ULK4: variants seen among roughly 807,000 people sequenced by gnomAD.
ULK4 encodes the protein inactive serine/threonine-protein kinase ULK4.
Under a neutral mutation model 160.6 loss-of-function variants are expected in ULK4, and 133 were observed. That is an observed-to-expected ratio of 0.83 (90% CI 0.72 to 0.96). The LOEUF (loss-of-function observed/expected upper bound fraction) is 0.96, where lower values mean the gene tolerates loss of function less well. ULK4 is among the 40% of genes least tolerant of loss of function. The pLI, the probability that ULK4 is intolerant of heterozygous loss-of-function variation, is 0.00. For synonymous variants in ULK4, 534 were observed against 539.8 expected, an observed-to-expected ratio of 0.99 and a Z score of 0.15; for missense variants, 1,580 against 1,499.5, an observed-to-expected ratio of 1.05 and a Z score of -0.89.
chr3:41,581,562 T>TA (rs1329551432), intron 31 of ULK4, among the ~76,000 whole-genome samples: 3 of 152,100 alleles, frequency 2.0e-5, no homozygotes, highest in South Asian at 2.1e-4. Flanking sequence ...TGAAAAAAGT[T>TA]AAAAAAAATA....
chr3:41,726,023 A>C (rs958616610), intron 22 of ULK4, among the ~76,000 whole-genome samples: 3 of 152,236 alleles, frequency 2.0e-5, no homozygotes, highest in Admixed American at 1.3e-4. Context: ...AAGGAATCCA[A>C]ATGAAATCCT....
intron 30 of ULK4, among the ~76,000 whole-genome samples, chr3:41,633,067 T>C (rs955442515): frequency 6.6e-6 from 1 of 152,180 alleles, no homozygotes; most frequent in Non-Finnish European, 1.5e-5. Context: ...AAGAGCAAGT[T>C]TATTACATAA....
Position 41,487,702 on chromosome 3 carries a change from G to C in ULK4, c.3227-24449C>G, listed in dbSNP as rs183245695. Among the ~76,000 whole-genome samples the C allele has an allele frequency of 2.2e-4, 33 of 152,114 alleles. No individual in the cohort carries two copies. In the South Asian group the frequency reaches 2.7e-3, roughly 12 times the overall value. On this transcript the variant is annotated intron_variant, in intron 32 of 36. Coordinates refer to ENST00000301831, the MANE Select transcript of ULK4 (RefSeq NM_017886.4). ...AAAAACAAATCCCAGCCAGAATAAG[G>C]CTCTAAATATAAAAACAATCTCTCA...
chr3:41,487,560 T>C (rs926648487), intron 32 of ULK4, among the ~76,000 whole-genome samples: 5 of 152,172 alleles, frequency 3.3e-5, no homozygotes, highest in African/African-American at 1.2e-4. Flanking sequence ...GGTATATGGA[T>C]ATATGAATTC....
At chr3:41,318,997 G>A (rs1262985602) in intron 35 of ULK4, among the ~76,000 whole-genome samples, 1 of 152,146 alleles carries the variant, frequency 6.6e-6, no homozygotes, top group Admixed American at 6.5e-5. Flanking sequence ...GTGGATTTGG[G>A]AAAATAAAAG....
intron 8 of ULK4, chr3:41,914,633 T>A (rs1171637488): frequency 6.6e-6 from 1 of 152,226 alleles, no homozygotes; most frequent in East Asian, 1.9e-4. Context: ...GGATATTTAC[T>A]GTAACAACAC....
At chr3:41,820,187 A>G (rs1559578424) in intron 18 of ULK4, among the ~76,000 whole-genome samples, 1 of 152,200 alleles carries the variant, frequency 6.6e-6, no homozygotes, top group Non-Finnish European at 1.5e-5. Flanking sequence ...GAACATACTC[A>G]AGATTGTCCA....
chr3:41,546,673 T>G (rs1795333), intron 32 of ULK4, among the ~76,000 whole-genome samples: 77,120 of 150,578 alleles, frequency 0.51, 19,782 homozygotes, highest in Middle Eastern at 0.57. Context: ...CTGTTAATCC[T>G]CACTAGCTCA....
chr3:41,914,233 C>A (rs1473227795), intron 8 of ULK4, among the ~76,000 whole-genome samples: 1 of 152,136 alleles, frequency 6.6e-6, no homozygotes, highest in Non-Finnish European at 1.5e-5. Flanking sequence ...ACTAATCATT[C>A]AAAATTTCTG....
intron 35 of ULK4, among the ~76,000 whole-genome samples, chr3:41,256,777 A>G (rs1203588443): frequency 6.6e-6 from 1 of 152,252 alleles, no homozygotes; most frequent in Non-Finnish European, 1.5e-5. Flanking sequence ...GAGAATGAAA[A>G]GATATGCCAT....
In ULK4 at chr3:41,479,421, T is replaced by C. The variant is rs1343634418; in HGVS notation, c.3227-16168A>G. Among the ~76,000 whole-genome samples, 3 of 152,208 alleles carry C rather than the reference T, an allele frequency of 2.0e-5. No individual in the cohort carries two copies. In the East Asian group the frequency reaches 5.8e-4, roughly 29 times the overall value. ...TAAATATATTGGAATATGAACTGGA[T>C]CACAGGATAAAGCACCAGTTGGTGC... On this transcript the variant is annotated intron_variant, in intron 32 of 36. Coordinates refer to ENST00000301831, the MANE Select transcript of ULK4 (RefSeq NM_017886.4).
At position 41,659,672 on chromosome 3, in the gene ULK4, TA is replaced by T. The variant is rs34768898; in HGVS notation, c.3071+3934del. Among the ~76,000 whole-genome samples, 231 of 145,046 alleles carry T rather than the reference TA, an allele frequency of 1.6e-3. 1 individual carries two copies. The highest frequency in any genetic ancestry group is 3.5e-3 in the Middle Eastern group (1 of 284). On this transcript the variant is annotated intron_variant, in intron 30 of 36. Transcript: ENST00000301831. ...CCAAGGGAAAGAAATTTGGCCATAT[TA>T]AAAAAAAAAAAAGTTCAGTGTATTT...
intron 29 of ULK4, among the ~76,000 whole-genome samples, chr3:41,672,077 T>C (rs933065912): frequency 6.6e-6 from 1 of 152,114 alleles, no homozygotes. Context: ...AAATAAGAGA[T>C]GTTGGCAAGG....
At chr3:41,674,300 A>C (rs1387501210) in intron 29 of ULK4, among the ~76,000 whole-genome samples, 1 of 152,214 alleles carries the variant, frequency 6.6e-6, no homozygotes, top group East Asian at 1.9e-4. Context: ...TAGTACTAAG[A>C]GTTCCTTGAT....
chr3:41,612,446 A>G (rs570721352), intron 31 of ULK4, among the ~76,000 whole-genome samples: 62 of 152,218 alleles, frequency 4.1e-4, no homozygotes, highest in African/African-American at 1.4e-3. Flanking sequence ...CTACCTGATC[A>G]TGTGTGTACA....
At chr3:41,537,784 G>C (rs1479735764) in intron 32 of ULK4, among the ~76,000 whole-genome samples, 1 of 152,124 alleles carries the variant, frequency 6.6e-6, no homozygotes, top group African/African-American at 2.4e-5. Flanking sequence ...AGGCTTAGGG[G>C]TTAGCAGTTT....
At chr3:41,624,017 C>A (rs938550516) in intron 30 of ULK4, among the ~76,000 whole-genome samples, 1 of 152,176 alleles carries the variant, frequency 6.6e-6, no homozygotes, top group Non-Finnish European at 1.5e-5. Context: ...GATGTGATCA[C>A]TTCTGTAGTT....
intron 32 of ULK4, among the ~76,000 whole-genome samples, chr3:41,498,605 T>C (rs117421513): frequency 2.2e-3 from 332 of 151,760 alleles, no homozygotes; most frequent in East Asian, 0.013. Context: ...TGTTTTTTGT[T>C]TTGTTTTTGA....
At chr3:41,355,900 AGAG>A (rs2081020541) in intron 35 of ULK4, among the ~76,000 whole-genome samples, 1 of 152,232 alleles carries the variant, frequency 6.6e-6, no homozygotes, top group Admixed American at 6.5e-5. Flanking sequence ...CTAAAGTGAA[AGAG>A]CTAGCTTAAA....
Sources: allele counts gnomAD v4.1 joint callset (sites outside exome capture counted in the v4.1 genomes callset), GRCh38; gene constraint gnomAD v4.1.1; transcripts MANE v1.5; gene names NCBI Gene and HGNC (gene_info 2026-07-23, HGNC 2026-07-21).